The following EBF2 variants were observed in gnomAD, a reference collection of about 807,000 sequenced individuals.
EBF2 encodes transcription factor COE2.
In EBF2, 21 loss-of-function variants were observed where a neutral mutation model predicts 72.8. The observed-to-expected ratio is 0.29, with a 90% confidence interval of 0.20 to 0.42. EBF2 has a LOEUF of 0.42. EBF2 is among the 10% of genes least tolerant of loss of function. EBF2 has a pLI of 1.00. For synonymous variants in EBF2, 299 were observed against 274.2 expected (o/e 1.09, Z -0.89); for missense variants, 637 against 731.2 (o/e 0.87, Z 1.49).
chr8:25,990,531 A>G (rs1804527160), intron 6 of EBF2, among the ~76,000 whole-genome samples: 1 of 152,144 alleles, frequency 6.6e-6, no homozygotes, highest in Non-Finnish European at 1.5e-5. Flanking sequence ...CTCTTATCCC[A>G]ACAAAATCTA....
intron 6 of EBF2, among the ~76,000 whole-genome samples, chr8:25,971,742 T>C (rs1371863371): frequency 1.3e-5 from 2 of 152,204 alleles, no homozygotes; most frequent in Non-Finnish European, 2.9e-5. Flanking sequence ...TGTTTTTTTT[T>C]CCTCGAGCTA....
At position 25,842,934 on chromosome 8, in the gene EBF2, A is replaced by G. The variant is rs1801764709; in HGVS notation, c.*1675T>C. Reference sequence around the variant, plus strand: ...CAAGAACCCCAAACTAAGTCTGTGTATAGACTCTATTGTGGTGCTCATGAG... The same window carrying G: ...CAAGAACCCCAAACTAAGTCTGTGTGTAGACTCTATTGTGGTGCTCATGAG... On this transcript the variant is annotated 3_prime_UTR_variant, in exon 16 of 16. Transcript: ENST00000520164. The G allele has an allele frequency of 6.6e-6, 1 of 152,230 alleles. No individual in the cohort carries two copies. The highest frequency in any genetic ancestry group is 1.9e-4 in the East Asian group (1 of 5,200). 9.4% of individuals were successfully genotyped at this position (152,230 alleles called of 1,614,324 possible).
intron 4 of EBF2, 85 bp downstream of exon 4, chr8:26,040,531 G>T: frequency 7.7e-7 from 1 of 1,303,860 alleles, no homozygotes; most frequent in Non-Finnish European, 1.1e-6. Context: ...AAATCGTGGA[G>T]GAGGGGCAGG....
intron 5 of EBF2, among the ~76,000 whole-genome samples, chr8:26,039,117 T>A (rs1035774154): frequency 6.6e-6 from 1 of 152,198 alleles, no homozygotes; most frequent in Non-Finnish European, 1.5e-5. Flanking sequence ...TATCCTTTCT[T>A]GTCTGCGGTG....
intron 15 of EBF2, among the ~76,000 whole-genome samples, chr8:25,850,098 TCTTA>T (rs768412367): frequency 2.0e-5 from 3 of 152,150 alleles, no homozygotes; most frequent in Non-Finnish European, 4.4e-5. Flanking sequence ...TTTTCCCTGA[TCTTA>T]CTTTTTAAAA....
At chr8:25,853,850 AG>A (rs1802031886) in intron 14 of EBF2, among the ~76,000 whole-genome samples, 1 of 151,696 alleles carries the variant, frequency 6.6e-6, no homozygotes, top group African/African-American at 2.4e-5. Flanking sequence ...AAAAAAAAAC[AG>A]ATTACATAAC....
chr8:25,943,330 A>G (rs111227757), intron 6 of EBF2, among the ~76,000 whole-genome samples: 306 of 145,056 alleles, frequency 2.1e-3, no homozygotes, highest in African/African-American at 3.6e-3. Flanking sequence ...AAAAAAAAAA[A>G]AAAGAAAGAA....
intron 6 of EBF2, among the ~76,000 whole-genome samples, chr8:25,952,499 A>G (rs994130928): frequency 6.6e-6 from 1 of 152,188 alleles, no homozygotes; most frequent in African/African-American, 2.4e-5. Flanking sequence ...GAACAGGAAC[A>G]TGTACTCACC....
intron 1 of EBF2, among the ~76,000 whole-genome samples, chr8:26,043,579 G>A (rs184899266): frequency 7.0e-4 from 106 of 152,334 alleles, no homozygotes; most frequent in African/African-American, 2.1e-3. Flanking sequence ...GCGCTCCCCG[G>A]GCCACAGGAG....
chr8:25,938,421 T>C (rs957735392), intron 6 of EBF2, among the ~76,000 whole-genome samples: 2 of 151,906 alleles, frequency 1.3e-5, no homozygotes, highest in Admixed American at 1.3e-4. Flanking sequence ...GTTTTTTTCT[T>C]GCTCTAGTTG....
chr8:26,044,705 A>G lies in EBF2; in HGVS notation c.131+24T>C. 1 of 1,612,460 alleles carries G rather than the reference A, an allele frequency of 6.2e-7. No homozygotes were observed. The highest frequency in any genetic ancestry group is 8.5e-7 in the Non-Finnish European group (1 of 1,178,944). ...GACCGTAAGAGCGAGAGACAGCATA[A>G]TAATTGCGCGGCCGTGTCGTTACCT... On this transcript the variant is annotated intron_variant, in intron 1 of 15. Coordinates refer to ENST00000520164, the MANE Select transcript of EBF2 (RefSeq NM_022659.4). This position sits in a 1 kb window ranked among gnomAD's most constrained non-coding sequence, Gnocchi z 4.1.
chr8:25,966,014 G>T (rs1804109227), intron 6 of EBF2, among the ~76,000 whole-genome samples: 1 of 152,184 alleles, frequency 6.6e-6, no homozygotes. Context: ...TTGGGGCATA[G>T]GTTGCAACAG....
chr8:26,042,286 C>CG, intron 1 of EBF2, 35 bp from the exon 2 acceptor site: 3 of 1,588,760 alleles, frequency 1.9e-6, no homozygotes, highest in Non-Finnish European at 2.6e-6. Context: ...ACACAAGACA[C>CG]GGGGAAGCAC....
At chr8:25,865,179 C>A (rs533580683) in intron 10 of EBF2, among the ~76,000 whole-genome samples, 2 of 152,280 alleles carry the variant, frequency 1.3e-5, no homozygotes, top group African/African-American at 4.8e-5. Flanking sequence ...TTGCATTAAA[C>A]CTACAGCTAG....
intron 6 of EBF2, among the ~76,000 whole-genome samples, chr8:25,953,570 A>G (rs1218572579): frequency 6.6e-6 from 1 of 152,150 alleles, no homozygotes; most frequent in Non-Finnish European, 1.5e-5. Flanking sequence ...GAAAAAAGAC[A>G]CTGAATGCAG....
At chr8:25,966,445 C>A (rs1252861795) in intron 6 of EBF2, among the ~76,000 whole-genome samples, 1 of 152,220 alleles carries the variant, frequency 6.6e-6, no homozygotes, top group East Asian at 1.9e-4. Context: ...CTACCCTCAT[C>A]CACACCCTTG....
intron 7 of EBF2, among the ~76,000 whole-genome samples, chr8:25,898,687 A>G (rs987111231): frequency 3.3e-5 from 5 of 152,296 alleles, no homozygotes; most frequent in Non-Finnish European, 5.9e-5. Flanking sequence ...GGGGAGCCAT[A>G]ACATATTTGA....
chr8:26,043,789 G>A (rs572374154), intron 1 of EBF2, among the ~76,000 whole-genome samples: 16 of 152,336 alleles, frequency 1.1e-4, no homozygotes, highest in African/African-American at 3.8e-4. Context: ...AAGTTCATCG[G>A]CTCTTTGGGG....
intron 6 of EBF2, among the ~76,000 whole-genome samples, chr8:26,003,568 G>C (rs1031425642): frequency 6.6e-6 from 1 of 152,070 alleles, no homozygotes; most frequent in African/African-American, 2.4e-5. Context: ...TGGTGGGGTG[G>C]GGGCTCCTCT....
Sources: gnomAD v4.1 joint callset for allele counts (sites outside exome capture counted in the v4.1 genomes callset) on GRCh38, gnomAD v4.1.1 for gene constraint, Gnocchi (gnomAD v3.1) non-coding constraint, MANE v1.5 for transcripts, NCBI Gene and HGNC (gene_info 2026-07-23, HGNC 2026-07-21) for gene names.